TMCO1: variants seen among roughly 807,000 people sequenced by gnomAD.
The protein encoded by TMCO1 is transmembrane and coiled-coil domains 1, also known as calcium load-activated calcium channel.
Under a neutral mutation model 29.3 loss-of-function variants are expected in TMCO1, and 29 were observed. That is an observed-to-expected ratio of 0.99 (90% CI 0.74 to 1.35). The LOEUF is 1.35. Ranked by LOEUF, TMCO1 falls within the 40% of genes most tolerant of loss-of-function variation. TMCO1 has a pLI of 0.00. For synonymous variants in TMCO1, 80 were observed against 77.1 expected (o/e 1.04, Z -0.20); for missense variants, 173 against 225.5 (o/e 0.77, Z 1.49).
intron 6 of TMCO1, among the ~76,000 whole-genome samples, chr1:165,729,844 C>T (rs899901625): frequency 5.9e-5 from 9 of 152,094 alleles, no homozygotes; most frequent in African/African-American, 2.2e-4. Context: ...TAAAGTTCTG[C>T]TCTTCAGAAC....
At chr1:165,731,095 A>T (rs111919082) in intron 6 of TMCO1, among the ~76,000 whole-genome samples, 2,014 of 151,844 alleles carry the variant, frequency 0.013, 53 homozygotes, top group African/African-American at 0.047. Context: ...GAGACGGGGT[A>T]TCACCATGTT....
At chr1:165,746,240 C>A (rs1346139858) in intron 5 of TMCO1, among the ~76,000 whole-genome samples, 9 of 146,026 alleles carry the variant, frequency 6.2e-5, no homozygotes, top group Non-Finnish European at 1.0e-4. Context: ...ATGCAGGAGG[C>A]GGAGGTCGTA....
intron 5 of TMCO1, among the ~76,000 whole-genome samples, chr1:165,743,864 C>CTTTTTTTTTTTTT (rs1173483545): frequency 7.1e-6 from 1 of 141,596 alleles, no homozygotes; most frequent in African/African-American, 2.6e-5. Flanking sequence ...CTGATAATTC[C>CTTTTTTTTTTTTT]TTTTTTTTTT....
chr1:165,757,737 A>G (rs1652251804), intron 3 of TMCO1, among the ~76,000 whole-genome samples: 1 of 152,202 alleles, frequency 6.6e-6, no homozygotes, highest in Non-Finnish European at 1.5e-5. Flanking sequence ...ACCTCAGGTG[A>G]CCCACCCGTC....
chr1:165,725,758 C>G, downstream of TMCO1: 1 of 454,980 alleles, frequency 2.2e-6, no homozygotes, highest in South Asian at 1.6e-5. Context: ...CTGCAGTAGC[C>G]CTTAATAACT....
chr1:165,725,508 G>T (rs1228204443), downstream of TMCO1: 5 of 453,974 alleles, frequency 1.1e-5, no homozygotes, highest in Non-Finnish European at 2.2e-5. Context: ...AGCATATTAT[G>T]ATTGCAACCT....
chr1:165,755,216 T>C (rs2101809700), intron 3 of TMCO1, among the ~76,000 whole-genome samples: 1 of 152,302 alleles, frequency 6.6e-6, no homozygotes, highest in East Asian at 1.9e-4. Flanking sequence ...CTACATTTCT[T>C]GTGGCTATTG....
chr1:165,747,406 A>T (rs1651841465), intron 5 of TMCO1, among the ~76,000 whole-genome samples: 2 of 152,150 alleles, frequency 1.3e-5, no homozygotes. Context: ...CAGAAATACC[A>T]TGTTTCTGGA....
Position 165,727,974 on chromosome 1 carries a change from G to T in TMCO1, c.*49C>A. 7.1e-7 allele frequency: 1 copy of T among 1,408,416 alleles called. No individual in the cohort carries two copies. The highest frequency in any genetic ancestry group is 9.9e-7 in the Non-Finnish European group (1 of 1,005,134). 87.2% of individuals were successfully genotyped at this position (1,408,416 alleles called of 1,614,324 possible). ...CTTGCTACAAAACAGTTGCCAGTCT[G>T]ATGTGTGTGTGTCTAGAAAGAATGA... On this transcript the variant is annotated 3_prime_UTR_variant, in exon 7 of 7. Transcript: ENST00000367881.
intron 5 of TMCO1, among the ~76,000 whole-genome samples, chr1:165,743,911 A>G (rs1267747064): frequency 4.0e-5 from 6 of 151,250 alleles, no homozygotes; most frequent in African/African-American, 1.5e-4. Context: ...CTCAGGCCAG[A>G]GTGCAGTGTC....
chr1:165,746,258 G>A (rs1449224559), intron 5 of TMCO1, among the ~76,000 whole-genome samples: 3 of 148,652 alleles, frequency 2.0e-5, no homozygotes, highest in African/African-American at 7.5e-5. Context: ...GTAGTGAGCC[G>A]AGATTGTGCC....
intron 6 of TMCO1, among the ~76,000 whole-genome samples, chr1:165,734,820 T>C (rs1009180212): frequency 5.3e-5 from 8 of 152,136 alleles, no homozygotes; most frequent in Non-Finnish European, 7.3e-5. Flanking sequence ...TTTTGTTTTG[T>C]TTTGTTTTGT....
chr1:165,758,560 A>C (rs1394128368), intron 3 of TMCO1, among the ~76,000 whole-genome samples: 2 of 152,060 alleles, frequency 1.3e-5, no homozygotes, highest in East Asian at 3.8e-4. Context: ...CTGTCTCAAA[A>C]AAAAACAAAA....
intron 3 of TMCO1, among the ~76,000 whole-genome samples, chr1:165,754,569 T>C (rs1015483804): frequency 6.6e-5 from 10 of 152,206 alleles, no homozygotes; most frequent in Admixed American, 2.0e-4. Context: ...CCAAAGGGAA[T>C]TGCCAATCAG....
At position 165,727,087 on chromosome 1, in the gene TMCO1, G is replaced by A. The variant is rs1243350181; in HGVS notation, c.*936C>T. ...CCATAGATTATGCGGGGAGGATCATGGTACAAACATCCTTCTCCCTTATGA... is the reference window on the plus strand; with the variant it reads ...CCATAGATTATGCGGGGAGGATCATAGTACAAACATCCTTCTCCCTTATGA... On this transcript the variant is annotated 3_prime_UTR_variant, in exon 7 of 7. Transcript: ENST00000367881. The A allele has an allele frequency of 6.6e-6, 3 of 453,874 alleles. No homozygotes were observed. In the East Asian group the frequency reaches 2.1e-4, roughly 32 times the overall value. The allele number at this position is 453,874 out of a possible 1,614,324, so 28.1% of individuals were successfully genotyped here.
chr1:165,735,769 C>T (rs1457889291), intron 6 of TMCO1, among the ~76,000 whole-genome samples: 1 of 152,142 alleles, frequency 6.6e-6, no homozygotes, highest in Non-Finnish European at 1.5e-5. Context: ...CCCGCCCTGG[C>T]CTCCCAAAAT....
At chr1:165,742,728 T>A (rs1651642306) in intron 6 of TMCO1, among the ~76,000 whole-genome samples, 2 of 152,308 alleles carry the variant, frequency 1.3e-5, no homozygotes, top group South Asian at 2.1e-4. Context: ...AATCACCAAG[T>A]TGGCCAAATG....
chr1:165,754,219 G>C lies in TMCO1; in HGVS notation c.255+9C>G. On this transcript the variant is annotated intron_variant, in intron 4 of 6. Transcript: ENST00000367881. ...TGGTTAACCATGAAGTTATAGTTAG[G>C]TCTCTTACCATTGATAGATCTCTGT... 14 of 1,606,324 alleles carry C rather than the reference G, an allele frequency of 8.7e-6. No homozygotes were observed. Among genetic ancestry groups the C allele is most frequent in the Non-Finnish European group, 1.2e-5 (14 of 1,173,428 alleles).
chr1:165,734,526 C>T lies in TMCO1; in HGVS notation c.469-6405G>A, dbSNP rs182812105. Among the ~76,000 whole-genome samples, 166 of 151,730 alleles carry T rather than the reference C, an allele frequency of 1.1e-3. 1 individual carries two copies. The highest frequency in any genetic ancestry group is 1.8e-3 in the Non-Finnish European group (122 of 67,944). ...TCTTTTTTATTTTTATTTTTTGAGA[C>T]GGAGTCTTACTCTGTCGTCCAGGCT... is the stretch of plus-strand genomic sequence containing the variant. On this transcript the variant is annotated intron_variant, in intron 6 of 6. Transcript: ENST00000367881.
Sources: allele counts gnomAD v4.1 joint callset (sites outside exome capture counted in the v4.1 genomes callset), GRCh38; gene constraint gnomAD v4.1.1; transcripts MANE v1.5; gene names NCBI Gene and HGNC (gene_info 2026-07-23, HGNC 2026-07-21).